Variants in DTHD1 observed in about 807,000 individuals in gnomAD.
DTHD1 encodes the protein death domain-containing protein 1.
A neutral mutation model predicts 74.8 loss-of-function variants in DTHD1; 59 were observed. The ratio of observed to expected loss-of-function variants is 0.79; its 90% CI spans 0.64 to 0.98. The LOEUF (loss-of-function observed/expected upper bound fraction) is 0.98. Among genes scored for constraint, DTHD1 ranks in the 50% least tolerant of loss-of-function variants. DTHD1 has a pLI of 0.00. For synonymous variants in DTHD1, 365 were observed against 371.1 expected, an observed-to-expected ratio of 0.98 and a Z score of 0.19; for missense variants, 1,051 against 1,065.4, an observed-to-expected ratio of 0.99 and a Z score of 0.19.
Position 36,325,138 on chromosome 4 carries a change from C to G in DTHD1, c.2340+8652C>G, listed in dbSNP as rs1578481014. Among the ~76,000 whole-genome samples, 5 of 152,186 alleles carry G rather than the reference C, an allele frequency of 3.3e-5. No homozygotes were observed. In the South Asian group the frequency reaches 1.0e-3, roughly 32 times the overall value. ...ATTATGGAGGGCCTTTAATTCCTTA[C>G]TTAGATTAACTAAATGACTCTGTAG... On this transcript the variant is annotated intron_variant, in intron 8 of 9. Coordinates refer to ENST00000639862, the MANE Select transcript of DTHD1 (RefSeq NM_001170700.3).
At chr4:36,341,658 C>T (rs1443449275) in intron 9 of DTHD1, among the ~76,000 whole-genome samples, 1 of 152,156 alleles carries the variant, frequency 6.6e-6, no homozygotes, top group Non-Finnish European at 1.5e-5. Context: ...TAACCTCAGG[C>T]AGCCCAGGTA....
At chr4:36,312,043 T>C (rs1202661277) in intron 7 of DTHD1, among the ~76,000 whole-genome samples, 2 of 152,168 alleles carry the variant, frequency 1.3e-5, no homozygotes, top group African/African-American at 4.8e-5. Flanking sequence ...GTGCGTCCTT[T>C]GGTTTTTATG....
intron 1 of DTHD1, 30 bp from the exon 2 acceptor site, chr4:36,283,946 T>C: frequency 7.0e-7 from 1 of 1,425,752 alleles, no homozygotes; most frequent in Non-Finnish European, 9.4e-7. Flanking sequence ...TTTGTATTTA[T>C]TCTTTGTGTG....
rs1156232235 is a variant in DTHD1, at chr4:36,344,855, T to C, written c.*1031T>C. On this transcript the variant is annotated 3_prime_UTR_variant, in exon 10 of 10. Coordinates refer to ENST00000639862, the MANE Select transcript of DTHD1 (RefSeq NM_001170700.3). ...ACCAATTCAAGTTACATAGATACCATAGAGCCTACAGTAAACAATACAAAA... is the reference window on the plus strand; with the variant it reads ...ACCAATTCAAGTTACATAGATACCACAGAGCCTACAGTAAACAATACAAAA... 5 of 152,248 alleles carry C rather than the reference T, an allele frequency of 3.3e-5. No individual in the cohort carries two copies. In the East Asian group the frequency reaches 9.7e-4, roughly 29 times the overall value. The allele number at this position is 152,248 out of a possible 1,614,324, so 9.4% of individuals were successfully genotyped here. A position where few individuals can be genotyped will look rare whatever the true frequency, so the allele number is the denominator to read the frequency against.
intron 7 of DTHD1, 107 bp downstream of exon 7, chr4:36,308,600 G>A (rs1056088358): frequency 1.1e-5 from 10 of 906,914 alleles, no homozygotes; most frequent in Admixed American, 5.9e-5. Flanking sequence ...GAGGATTGAC[G>A]AGAGACTTTA....
intron 6 of DTHD1, among the ~76,000 whole-genome samples, chr4:36,307,846 T>C (rs1289211706): frequency 2.6e-5 from 4 of 152,222 alleles, no homozygotes; most frequent in African/African-American, 9.6e-5. Context: ...TTTTAGAATT[T>C]ATTTTGATTT....
intron 8 of DTHD1, among the ~76,000 whole-genome samples, chr4:36,327,551 C>T (rs1758424102): frequency 6.6e-6 from 1 of 152,172 alleles, no homozygotes. Context: ...ACTTGGAATA[C>T]TGAGCAAAGT....
intron 3 of DTHD1, among the ~76,000 whole-genome samples, chr4:36,292,385 G>T (rs1560788564): frequency 6.6e-6 from 1 of 152,160 alleles, no homozygotes; most frequent in Non-Finnish European, 1.5e-5. Flanking sequence ...ATACAGGCGT[G>T]AATTTTTCTC....
intron 8 of DTHD1, among the ~76,000 whole-genome samples, chr4:36,321,313 G>A (rs1160194034): frequency 6.6e-6 from 1 of 152,180 alleles, no homozygotes; most frequent in Admixed American, 6.5e-5. Flanking sequence ...GGGCAAGTGA[G>A]CAATGCTTCA....
chr4:36,316,389 C>G lies in DTHD1; in HGVS notation c.2243C>G (p.Pro748Arg), dbSNP rs1240020133. 1 of 1,552,056 alleles carries G rather than the reference C, an allele frequency of 6.4e-7. No homozygotes were observed. Among genetic ancestry groups the G allele is most frequent in the African/African-American group, 1.4e-5 (1 of 73,144 alleles). The change falls in exon 8 of 10, where the codon CCT (proline) becomes CGT (arginine). Residue 748 changes from proline (P) to arginine (R), a missense_variant. Coordinates refer to ENST00000639862, the MANE Select transcript of DTHD1 (RefSeq NM_001170700.3). ...YKGTIVVYKVPKGKIVPNLNQ... is the reference protein window; with the variant it reads ...YKGTIVVYKVRKGKIVPNLNQ... ...GGCACCATTGTCGTTTATAAAGTAC[C>G]TAAAGGAAAGATAGTCCCCAACTTG...
intron 7 of DTHD1, 74 bp downstream of exon 7, chr4:36,308,567 T>C: frequency 7.9e-7 from 1 of 1,262,878 alleles, no homozygotes; most frequent in Non-Finnish European, 1.1e-6. Context: ...TTTGCTAAAC[T>C]TGTGTTACTA....
rs182251308 is a variant in DTHD1, at chr4:36,339,094, G to A, written c.2341-18G>A. 7,848 of 1,537,228 alleles carry A rather than the reference G, an allele frequency of 5.1e-3. 32 individuals are homozygous for A. The highest frequency in any genetic ancestry group is 6.2e-3 in the Non-Finnish European group (7,059 of 1,136,936). ...TAATTACTTCTTCTGTTTATTTTGT[G>A]TTCCTTTCCCCCAATAGCATAAGAA... On this transcript the variant is annotated intron_variant, in intron 8 of 9. Transcript: ENST00000639862.
intron 5 of DTHD1, among the ~76,000 whole-genome samples, chr4:36,299,428 T>C (rs1237987287): frequency 6.6e-6 from 1 of 152,242 alleles, no homozygotes; most frequent in Non-Finnish European, 1.5e-5. Flanking sequence ...CTGCTTTATT[T>C]TGCCTGCTGC....
chr4:36,338,052 GA>G (rs1043358794), intron 8 of DTHD1, among the ~76,000 whole-genome samples: 9 of 152,154 alleles, frequency 5.9e-5, no homozygotes, highest in African/African-American at 2.2e-4. Flanking sequence ...ATCAGGTGTA[GA>G]TTTATGCAAC....
chr4:36,316,177 C>T (rs867989413), intron 7 of DTHD1, 65 bp from the exon 8 acceptor site: 8 of 1,475,122 alleles, frequency 5.4e-6, no homozygotes, highest in Middle Eastern at 1.7e-4. Context: ...CCTCGTGATC[C>T]GCCTGCCTCG....
intron 8 of DTHD1, 82 bp downstream of exon 8, chr4:36,316,568 G>C: frequency 1.5e-6 from 2 of 1,341,120 alleles, no homozygotes; most frequent in Non-Finnish European, 2.0e-6. Flanking sequence ...CAGTCATAGA[G>C]ACACATACAG....
chr4:36,340,871 G>A (rs1256538399), intron 9 of DTHD1, among the ~76,000 whole-genome samples: 1 of 152,106 alleles, frequency 6.6e-6, no homozygotes. Context: ...AGTATTAGGA[G>A]GAAGAGAGTT....
At chr4:36,283,229 G>C (rs952307906) in intron 1 of DTHD1, among the ~76,000 whole-genome samples, 1 of 152,224 alleles carries the variant, frequency 6.6e-6, no homozygotes, top group Admixed American at 6.5e-5. Flanking sequence ...AAATAGGAGA[G>C]TGGGAAGAAT....
chr4:36,324,729 G>C (rs1448613540), intron 8 of DTHD1, among the ~76,000 whole-genome samples: 1 of 152,066 alleles, frequency 6.6e-6, no homozygotes, highest in Non-Finnish European at 1.5e-5. Flanking sequence ...AGGAAATAAA[G>C]TATAAAACTT....
Sources: gnomAD v4.1 joint callset for allele counts (sites outside exome capture counted in the v4.1 genomes callset) on GRCh38, gnomAD v4.1.1 for gene constraint, MANE v1.5 for transcripts, NCBI Gene and HGNC (gene_info 2026-07-23, HGNC 2026-07-21) for gene names.